Variants in PLD5 observed in about 807,000 individuals in gnomAD.
PLD5 encodes the protein phospholipase D family member 5.
A neutral mutation model predicts 61.1 loss-of-function variants in PLD5; 36 were observed. The ratio of observed to expected loss-of-function variants is 0.59; its 90% CI spans 0.45 to 0.78. The LOEUF (loss-of-function observed/expected upper bound fraction) is 0.78. PLD5 is among the 30% of genes least tolerant of loss of function. The pLI is 0.00. For missense variants in PLD5, 515 were observed against 644.4 expected, an observed-to-expected ratio of 0.80 and a Z score of 2.17; for synonymous variants, 243 against 242.8, an observed-to-expected ratio of 1.00 and a Z score of -0.01.
intron 1 of PLD5, among the ~76,000 whole-genome samples, chr1:242,357,262 G>C (rs1660803028): frequency 6.6e-6 from 1 of 151,304 alleles, no homozygotes; most frequent in Non-Finnish European, 1.5e-5. Flanking sequence ...TATCCCACTG[G>C]CCTAGAGAGT....
At chr1:242,427,720 T>C (rs903962972) in intron 1 of PLD5, among the ~76,000 whole-genome samples, 7 of 152,194 alleles carry the variant, frequency 4.6e-5, no homozygotes, top group African/African-American at 1.7e-4. Context: ...GACAAAATTG[T>C]TTTATCTTGC....
intron 5 of PLD5, among the ~76,000 whole-genome samples, chr1:242,152,400 G>T (rs1362282022): frequency 6.6e-6 from 1 of 151,976 alleles, no homozygotes; most frequent in Non-Finnish European, 1.5e-5. Context: ...TACATGTACA[G>T]AATGTGCAGT....
intron 1 of PLD5, among the ~76,000 whole-genome samples, chr1:242,378,154 C>T (rs770818102): frequency 6.6e-6 from 1 of 152,148 alleles, no homozygotes; most frequent in Non-Finnish European, 1.5e-5. Context: ...ATGTGATAAG[C>T]ACATAGGACA....
At chr1:242,127,468 C>T (rs1368564139) in intron 5 of PLD5, among the ~76,000 whole-genome samples, 1 of 152,172 alleles carries the variant, frequency 6.6e-6, no homozygotes, top group Admixed American at 6.5e-5. Context: ...GAATACTACT[C>T]AGCCATAAAA....
intron 1 of PLD5, among the ~76,000 whole-genome samples, chr1:242,459,624 G>C (rs1301899696): frequency 6.6e-6 from 1 of 152,190 alleles, no homozygotes; most frequent in African/African-American, 2.4e-5. Context: ...AAATGCTTCT[G>C]ATTATTGTAA....
intron 5 of PLD5, among the ~76,000 whole-genome samples, chr1:242,197,404 A>G (rs1240261793): frequency 6.6e-6 from 1 of 152,068 alleles, no homozygotes; most frequent in Admixed American, 6.6e-5. Context: ...AAGCCCCACA[A>G]TGTCTCTGTC....
chr1:242,376,978 G>T (rs550906038), intron 1 of PLD5: 2 of 1,611,484 alleles, frequency 1.2e-6, no homozygotes, highest in African/African-American at 1.3e-5. Context: ...CCGTGTATCC[G>T]CATGTGAGTA....
At chr1:242,180,565 A>C (rs1178370655) in intron 5 of PLD5, among the ~76,000 whole-genome samples, 1 of 152,148 alleles carries the variant, frequency 6.6e-6, no homozygotes, top group Non-Finnish European at 1.5e-5. Flanking sequence ...TGCTAGAGAA[A>C]GATGTTCTAA....
chr1:242,151,812 T>A (rs910022643), intron 5 of PLD5, among the ~76,000 whole-genome samples: 3 of 152,112 alleles, frequency 2.0e-5, no homozygotes, highest in African/African-American at 7.2e-5. Context: ...CTTTGAATTC[T>A]GTTCTTGTAT....
At chr1:242,448,578 C>T (rs1298673854) in intron 1 of PLD5, among the ~76,000 whole-genome samples, 1 of 152,150 alleles carries the variant, frequency 6.6e-6, no homozygotes, top group Non-Finnish European at 1.5e-5. Context: ...CCCCATCTCC[C>T]GTGTTTTCCT....
intron 5 of PLD5, among the ~76,000 whole-genome samples, chr1:242,218,416 T>A (rs986440065): frequency 3.9e-5 from 6 of 152,210 alleles, no homozygotes; most frequent in Middle Eastern, 3.2e-3. Context: ...GAACTAAAGA[T>A]GAAATATCTT....
chr1:242,348,143 C>T lies in PLD5; in HGVS notation c.289G>A (p.Asp97Asn), dbSNP rs1378694531. ...SAVDIMGEDEDGLSEKNCQNK... is the reference protein window; with the variant it reads ...SAVDIMGEDENGLSEKNCQNK... ...TGGCAATTTTTTTCTGAGAGTCCAT[C>T]CTCATCCTCTCCCATGATGTCCACG... The change falls in exon 2 of 10, where the codon GAT becomes AAT. Residue 97 changes from aspartate to asparagine, a missense_variant. Asp to Asn is a conservative substitution (Grantham distance 23). Around this residue, in one of 2 missense-constraint regions of PLD5, gnomAD observed 450 missense variants for 598.1 expected, o/e 0.75. Coordinates refer to ENST00000536534, the MANE Select transcript of PLD5 (RefSeq NM_001372062.1). 1.9e-6 allele frequency: 3 copies of T among 1,613,808 alleles called. No homozygotes were observed. The highest frequency in any genetic ancestry group is 2.5e-6 in the Non-Finnish European group (3 of 1,179,876).
At chr1:242,325,358 GAT>G (rs35079646) in intron 2 of PLD5, among the ~76,000 whole-genome samples, 132,911 of 138,024 alleles carry the variant, frequency 0.96, 64,131 homozygotes, top group Non-Finnish European at 0.99. Flanking sequence ...TGCATGGCGA[GAT>G]ATATATATAT....
intron 2 of PLD5, among the ~76,000 whole-genome samples, chr1:242,309,717 C>T (rs1351282255): frequency 6.7e-6 from 1 of 149,754 alleles, no homozygotes. Context: ...AATACTTCTC[C>T]TTCCAATTCT....
the PLD5 span, among the ~76,000 whole-genome samples, chr1:242,529,784 T>C: frequency 9.4e-6 from 1 of 106,722 alleles, no homozygotes; most frequent in African/African-American, 3.2e-5. Flanking sequence ...GGGATCTTCC[T>C]TCCTTCCTTC....
chr1:242,362,182 GT>G (rs1352178147), intron 1 of PLD5, among the ~76,000 whole-genome samples: 9 of 152,006 alleles, frequency 5.9e-5, no homozygotes, highest in African/African-American at 2.2e-4. Context: ...TATGTGTACA[GT>G]TCTTAAAATC....
intron 7 of PLD5, among the ~76,000 whole-genome samples, chr1:242,110,473 G>A (rs1661395047): frequency 6.6e-6 from 1 of 152,078 alleles, no homozygotes; most frequent in South Asian, 2.1e-4. Flanking sequence ...GAGATCATAT[G>A]CTGTTCATGC....
chr1:242,388,888 G>C (rs578101772), intron 1 of PLD5, among the ~76,000 whole-genome samples: 1 of 152,232 alleles, frequency 6.6e-6, no homozygotes, highest in East Asian at 1.9e-4. Context: ...CCGGGAGGTG[G>C]AGGTTGCAGT....
chr1:242,368,870 T>G (rs921045823), intron 1 of PLD5, among the ~76,000 whole-genome samples: 10 of 152,296 alleles, frequency 6.6e-5, no homozygotes, highest in African/African-American at 2.4e-4. Flanking sequence ...ATTTCTTGGG[T>G]TGCTTTTTGT....
Sources: allele counts gnomAD v4.1 joint callset (sites outside exome capture counted in the v4.1 genomes callset), GRCh38; gene constraint gnomAD v4.1.1; regional missense constraint gnomAD v4.1.1; transcripts MANE v1.5; gene names NCBI Gene and HGNC (gene_info 2026-07-23, HGNC 2026-07-21).